The following USH2A variants were observed in gnomAD, a reference collection of about 807,000 sequenced individuals.
USH2A encodes Usher syndrome 2A (autosomal recessive, mild).
USH2A carries 443 observed loss-of-function variants against 538.9 expected under a neutral mutation model. The observed-to-expected ratio is 0.82, with a 90% CI of 0.76 to 0.89. The LOEUF is 0.89. Ranked by LOEUF, USH2A falls within the 40% of genes least tolerant of loss-of-function variation. USH2A has a pLI of 0.00. For missense variants in USH2A, 6,633 were observed against 6,324.8 expected (o/e 1.05, Z -1.65); for synonymous variants, 2,413 against 2,273.5 (o/e 1.06, Z -1.75).
At chr1:215,942,090 A>G (rs570699725) in intron 37 of USH2A, among the ~76,000 whole-genome samples, 7 of 152,212 alleles carry the variant, frequency 4.6e-5, no homozygotes, top group East Asian at 3.9e-4. Context: ...GAAGGTTCCA[A>G]TGAGGAAGGA....
chr1:215,704,697 G>A (rs1056563953), intron 61 of USH2A, among the ~76,000 whole-genome samples: 10 of 152,130 alleles, frequency 6.6e-5, no homozygotes, highest in Non-Finnish European at 1.3e-4. Flanking sequence ...CTTCAATGAG[G>A]CTGCGCTTTT....
At chr1:215,897,166 T>A (rs1324866082) in intron 40 of USH2A, among the ~76,000 whole-genome samples, 1 of 152,170 alleles carries the variant, frequency 6.6e-6, no homozygotes, top group Non-Finnish European at 1.5e-5. Context: ...ATTGCCTGCC[T>A]AGATTTCTCT....
chr1:215,800,366 C>T (rs956818084), intron 49 of USH2A, among the ~76,000 whole-genome samples: 1 of 152,150 alleles, frequency 6.6e-6, no homozygotes. Flanking sequence ...CATATCTTTT[C>T]CCCTGGACAA....
chr1:216,393,762 A>G (rs559565310), intron 3 of USH2A, among the ~76,000 whole-genome samples: 1 of 152,336 alleles, frequency 6.6e-6, no homozygotes, highest in Admixed American at 6.5e-5. Flanking sequence ...GAGGATGCTG[A>G]AAAGTGAATC....
chr1:215,832,375 C>G (rs1407375779), intron 47 of USH2A, among the ~76,000 whole-genome samples: 1 of 151,754 alleles, frequency 6.6e-6, no homozygotes, highest in African/African-American at 2.4e-5. Context: ...CACAGATGAA[C>G]ATTTTCTATA....
intron 32 of USH2A, among the ~76,000 whole-genome samples, chr1:216,024,931 A>C (rs1668928666): frequency 6.6e-6 from 1 of 151,952 alleles, no homozygotes; most frequent in Non-Finnish European, 1.5e-5. Flanking sequence ...ATTTTAGAAG[A>C]ATATTTATGC....
chr1:216,265,141 A>G (rs2036447153), intron 11 of USH2A, among the ~76,000 whole-genome samples: 1 of 151,560 alleles, frequency 6.6e-6, no homozygotes, highest in Non-Finnish European at 1.5e-5. Context: ...TAGAATATAT[A>G]AGAAAATCAA....
chr1:216,170,316 T>A (rs1298212551), intron 21 of USH2A, among the ~76,000 whole-genome samples: 1 of 152,122 alleles, frequency 6.6e-6, no homozygotes, highest in African/African-American at 2.4e-5. Flanking sequence ...AGTTCAACCA[T>A]TTTTGGGAAG....
chr1:216,310,137 T>C (rs2037392486), intron 9 of USH2A, among the ~76,000 whole-genome samples: 1 of 152,136 alleles, frequency 6.6e-6, no homozygotes, highest in Non-Finnish European at 1.5e-5. Context: ...CCATTGACAC[T>C]CAAAGTAGTT....
At chr1:216,290,106 G>A (rs1413803198) in intron 10 of USH2A, among the ~76,000 whole-genome samples, 1 of 151,916 alleles carries the variant, frequency 6.6e-6, no homozygotes, top group Non-Finnish European at 1.5e-5. Context: ...AAACTACAAG[G>A]AATTTTTAAA....
intron 61 of USH2A, among the ~76,000 whole-genome samples, chr1:215,725,756 A>G (rs1659798338): frequency 6.6e-6 from 1 of 152,206 alleles, no homozygotes; most frequent in Admixed American, 6.5e-5. Flanking sequence ...GACTGTCAAA[A>G]TGAAAGCCAC....
At chr1:215,688,903 G>C (rs1658515522) in intron 61 of USH2A, among the ~76,000 whole-genome samples, 1 of 152,082 alleles carries the variant, frequency 6.6e-6, no homozygotes, top group Non-Finnish European at 1.5e-5. Context: ...GACATTCAAA[G>C]GCTTTTGCTG....
intron 38 of USH2A, among the ~76,000 whole-genome samples, chr1:215,934,346 A>ATG (rs995246528): frequency 5.3e-5 from 8 of 151,610 alleles, no homozygotes; most frequent in South Asian, 2.1e-4. Context: ...AGATATATAT[A>ATG]TGTGTGTGTG....
chr1:215,988,356 A>G (rs1667929042), intron 35 of USH2A, among the ~76,000 whole-genome samples: 1 of 152,210 alleles, frequency 6.6e-6, no homozygotes, highest in Non-Finnish European at 1.5e-5. Context: ...ATATTGTATG[A>G]CAGGACTTCC....
At chr1:216,174,522 T>C in intron 21 of USH2A, 3 of 985,240 alleles carry the variant, frequency 3.0e-6, no homozygotes, top group Non-Finnish European at 3.6e-6. Flanking sequence ...TATTTAAGCT[T>C]TTGATAATAT....
At chr1:215,840,162 TC>T (rs1663635806) in intron 46 of USH2A, among the ~76,000 whole-genome samples, 1 of 36,810 alleles carries the variant, frequency 2.7e-5, no homozygotes. Context: ...AGACTCTGTC[TC>T]AAAAAAAAAA....
chr1:215,776,004 G>A (rs192080718), intron 55 of USH2A, among the ~76,000 whole-genome samples: 14 of 152,190 alleles, frequency 9.2e-5, no homozygotes, highest in African/African-American at 3.4e-4. Context: ...TGCTAAACAG[G>A]ACATGACTAA....
rs1324201469 is a variant in USH2A, at chr1:215,674,970, A to G, written c.12941T>C (p.Val4314Ala). 5 of 1,614,222 alleles carry G rather than the reference A, an allele frequency of 3.1e-6. 1 individual carries two copies. The South Asian group carries it at 5.5e-5, about 18-fold the overall frequency. ...CTCTTCATCAGTGTAATTGAAAGTCACAGGATCAAAGCTAAAAGGATAGAG... is the reference window on the plus strand; with the variant it reads ...CTCTTCATCAGTGTAATTGAAAGTCGCAGGATCAAAGCTAAAAGGATAGAG... ...EMLYPFSFDP[V>A]TFNYTDEELL... The change falls in exon 63 of 72, where the codon GTG becomes GCG. Residue 4314 changes from valine (V) to alanine (A), a missense_variant. By Grantham distance (64) the Val-to-Ala change is moderately conservative. Coordinates refer to ENST00000307340, the MANE Select transcript of USH2A (RefSeq NM_206933.4).
At chr1:216,377,838 A>G (rs1268974861) in intron 3 of USH2A, among the ~76,000 whole-genome samples, 4 of 129,910 alleles carry the variant, frequency 3.1e-5, no homozygotes, top group Admixed American at 1.7e-4. Context: ...AAAGAAAGAA[A>G]GAAAGAAAGA....
Sources: allele counts gnomAD v4.1 joint callset (sites outside exome capture counted in the v4.1 genomes callset), GRCh38; gene constraint gnomAD v4.1.1; transcripts MANE v1.5; gene names NCBI Gene and HGNC (gene_info 2026-07-23, HGNC 2026-07-21).